Variants in PRKG1 observed in about 807,000 individuals in gnomAD.
PRKG1 encodes the protein protein kinase cGMP-dependent 1.
A neutral mutation model predicts 88.1 loss-of-function variants in PRKG1; 35 were observed. The observed-to-expected ratio is 0.40, with a 90% CI of 0.30 to 0.53. The LOEUF (loss-of-function observed/expected upper bound fraction) is 0.53. PRKG1 is among the 20% of genes least tolerant of loss of function. The probability of loss-of-function intolerance (pLI) is 0.59; values close to 1 mark genes in which losing one functional copy is unlikely to be tolerated. For synonymous variants in PRKG1, 303 were observed against 292.5 expected, an observed-to-expected ratio of 1.04 and a Z score of -0.37; for missense variants, 540 against 839.8, an observed-to-expected ratio of 0.64 and a Z score of 4.41.
intron 4 of PRKG1, among the ~76,000 whole-genome samples, chr10:51,830,235 C>G (rs1362897518): frequency 6.6e-6 from 1 of 151,992 alleles, no homozygotes; most frequent in Non-Finnish European, 1.5e-5. Context: ...CTGCCATTAC[C>G]CTCTCAATAT....
chr10:51,861,479 C>A (rs2154283), intron 4 of PRKG1, among the ~76,000 whole-genome samples: 14,851 of 151,940 alleles, frequency 0.098, 978 homozygotes, highest in African/African-American at 0.18. Context: ...CAGAAATACC[C>A]GGGTCTATTA....
intron 1 of PRKG1, among the ~76,000 whole-genome samples, chr10:51,030,721 C>T (rs192724469): frequency 6.6e-6 from 1 of 151,964 alleles, no homozygotes; most frequent in Non-Finnish European, 1.5e-5. Flanking sequence ...CATGCCAGAG[C>T]GGGTTGTTTA....
intron 2 of PRKG1, among the ~76,000 whole-genome samples, chr10:51,205,919 G>GT (rs1564637792): frequency 2.0e-5 from 3 of 152,116 alleles, no homozygotes; most frequent in South Asian, 2.1e-4. Flanking sequence ...ATACTTGTAA[G>GT]GGTATACTAA....
At position 52,167,416 on chromosome 10, in the gene PRKG1, A is replaced by G. The variant is rs542628396; in HGVS notation, c.1076+5453A>G. Among the ~76,000 whole-genome samples the G allele has an allele frequency of 4.7e-4, 71 of 152,312 alleles. No individual in the cohort carries two copies. The South Asian group carries it at 0.013, about 28-fold the overall frequency. ...CCAGCACTATGGATTACATTTTAACATGAGATTTAGACAGGACAAATATTC... is the reference window on the plus strand; with the variant it reads ...CCAGCACTATGGATTACATTTTAACGTGAGATTTAGACAGGACAAATATTC... On this transcript the variant is annotated intron_variant, in intron 9 of 17. Coordinates refer to ENST00000373980, the MANE Select transcript of PRKG1 (RefSeq NM_006258.4).
At chr10:51,062,053 G>T (rs1843698031) in intron 1 of PRKG1, among the ~76,000 whole-genome samples, 1 of 152,184 alleles carries the variant, frequency 6.6e-6, no homozygotes, top group Admixed American at 6.5e-5. Flanking sequence ...TGTAGAGAGA[G>T]TATGATACTC....
rs1470511860 is a variant in PRKG1, at chr10:52,121,986, C to T, written c.936-11854C>T. ...TAGCAATAGCCCAACTCCTTGGTAC[C>T]AATTTCCTATTTTAAGCTATTTTGT... On this transcript the variant is annotated intron_variant, in intron 7 of 17. Transcript: ENST00000373980. Among the ~76,000 whole-genome samples the T allele has an allele frequency of 4.6e-5, 7 of 152,124 alleles. No homozygotes were observed. In the South Asian group the frequency reaches 1.4e-3, roughly 31 times the overall value.
intron 2 of PRKG1, among the ~76,000 whole-genome samples, chr10:51,368,992 AT>A (rs1564464585): frequency 6.6e-6 from 1 of 152,102 alleles, no homozygotes; most frequent in Admixed American, 6.6e-5. Context: ...CTTCATCTTC[AT>A]AACACCAGAA....
intron 4 of PRKG1, among the ~76,000 whole-genome samples, chr10:51,888,903 CAG>C (rs1841641276): frequency 6.6e-6 from 1 of 152,102 alleles, no homozygotes; most frequent in Admixed American, 6.6e-5. Flanking sequence ...AAAATAGACT[CAG>C]AGAGGTAAAT....
At chr10:51,915,363 C>T (rs1842316377) in intron 5 of PRKG1, among the ~76,000 whole-genome samples, 1 of 152,182 alleles carries the variant, frequency 6.6e-6, no homozygotes, top group South Asian at 2.1e-4. Flanking sequence ...TTGGCTCTTG[C>T]CATTTAAAGC....
At chr10:51,467,217 A>G (rs1564510552) in intron 2 of PRKG1, among the ~76,000 whole-genome samples, 3 of 152,140 alleles carry the variant, frequency 2.0e-5, no homozygotes, top group African/African-American at 4.8e-5. Flanking sequence ...TAGGAAGCAG[A>G]TAAGACAGTC....
intron 8 of PRKG1, among the ~76,000 whole-genome samples, chr10:52,154,010 G>A (rs1444373639): frequency 6.6e-6 from 1 of 152,120 alleles, no homozygotes; most frequent in African/African-American, 2.4e-5. Flanking sequence ...CTCCCAAAGT[G>A]CTGGGATTGC....
In PRKG1 at chr10:52,124,112, T is replaced by A. The variant is rs371845807; in HGVS notation, c.936-9728T>A. Among the ~76,000 whole-genome samples the A allele has an allele frequency of 3.3e-5, 5 of 152,164 alleles. No individual in the cohort carries two copies. In the East Asian group the frequency reaches 7.7e-4, roughly 23 times the overall value. ...ACACTGGACAAAGGGAGGGGTTAAG[T>A]CCATGGTGTGAGGAAGCAGGACAGA... On this transcript the variant is annotated intron_variant, in intron 7 of 17. Transcript: ENST00000373980.
At chr10:51,210,592 C>G (rs1231402380) in intron 2 of PRKG1, among the ~76,000 whole-genome samples, 2 of 151,902 alleles carry the variant, frequency 1.3e-5, no homozygotes, top group Non-Finnish European at 2.9e-5. Flanking sequence ...GAAGAAAAGA[C>G]AGAAGAATCA....
At chr10:51,231,263 G>A (rs774967752) in intron 2 of PRKG1, among the ~76,000 whole-genome samples, 5 of 152,076 alleles carry the variant, frequency 3.3e-5, no homozygotes, top group African/African-American at 7.2e-5. Context: ...ATTAAAACTC[G>A]GAAACATTAC....
chr10:52,201,192 G>T (rs12269348), intron 9 of PRKG1, among the ~76,000 whole-genome samples: 7,357 of 151,974 alleles, frequency 0.048, 631 homozygotes, highest in African/African-American at 0.17. Context: ...TCCATGCTTT[G>T]CATTTAAGTA....
intron 4 of PRKG1, among the ~76,000 whole-genome samples, chr10:51,836,564 A>G (rs1347457818): frequency 6.6e-6 from 1 of 152,060 alleles, no homozygotes; most frequent in Admixed American, 6.6e-5. Flanking sequence ...GTTTAAGTCT[A>G]TTGTTTATAT....
At chr10:51,142,018 G>A (rs553697832) in intron 1 of PRKG1, among the ~76,000 whole-genome samples, 3 of 151,962 alleles carry the variant, frequency 2.0e-5, no homozygotes, top group Admixed American at 6.6e-5. Flanking sequence ...TTCAAATACA[G>A]ATCTCCATCC....
intron 5 of PRKG1, among the ~76,000 whole-genome samples, chr10:51,959,873 G>C (rs2133068919): frequency 6.6e-6 from 1 of 152,168 alleles, no homozygotes; most frequent in African/African-American, 2.4e-5. Context: ...ATATTTCCCT[G>C]AGTTTTAATG....
At chr10:52,025,052 GT>G (rs1276297949) in intron 5 of PRKG1, among the ~76,000 whole-genome samples, 1 of 152,136 alleles carries the variant, frequency 6.6e-6, no homozygotes, top group East Asian at 1.9e-4. Context: ...TCTCATTGTG[GT>G]TTTGATTTCC....
Sources: gnomAD v4.1 joint callset for allele counts (sites outside exome capture counted in the v4.1 genomes callset) on GRCh38, gnomAD v4.1.1 for gene constraint, MANE v1.5 for transcripts, NCBI Gene and HGNC (gene_info 2026-07-23, HGNC 2026-07-21) for gene names.